SCFD2: variants seen among roughly 807,000 people sequenced by gnomAD.
SCFD2 encodes the protein sec1 family domain-containing protein 2.
In SCFD2, 54 loss-of-function variants were observed where a neutral mutation model predicts 58.9. That is an observed-to-expected ratio of 0.92 (90% CI 0.74 to 1.15). The LOEUF (loss-of-function observed/expected upper bound fraction) is 1.15, where lower values mean the gene tolerates loss of function less well. Ranked by LOEUF, SCFD2 falls within the 50% of genes most tolerant of loss-of-function variation. SCFD2 has a pLI of 0.00. For synonymous variants in SCFD2, 321 were observed against 335.9 expected, an observed-to-expected ratio of 0.96 and a Z score of 0.49; for missense variants, 805 against 836.6, an observed-to-expected ratio of 0.96 and a Z score of 0.47.
intron 4 of SCFD2, among the ~76,000 whole-genome samples, chr4:53,197,871 G>A (rs1323187358): frequency 1.3e-5 from 2 of 151,870 alleles, no homozygotes; most frequent in Non-Finnish European, 2.9e-5. Flanking sequence ...AAAATATGGG[G>A]TAAAAAAATA....
chr4:53,217,510 T>A (rs995702184), intron 4 of SCFD2, among the ~76,000 whole-genome samples: 1 of 152,214 alleles, frequency 6.6e-6, no homozygotes, highest in Admixed American at 6.5e-5. Flanking sequence ...TCTTCCTCCA[T>A]CCCTTTATTT....
At chr4:53,168,641 A>G (rs1409362845) in intron 4 of SCFD2, among the ~76,000 whole-genome samples, 46 of 152,214 alleles carry the variant, frequency 3.0e-4, no homozygotes, top group Non-Finnish European at 5.3e-4. Context: ...ATAGTTGTAC[A>G]TATTTATTGG....
chr4:53,260,940 G>A (rs1473861200), intron 4 of SCFD2, among the ~76,000 whole-genome samples: 2 of 151,820 alleles, frequency 1.3e-5, no homozygotes, highest in East Asian at 3.9e-4. Context: ...ATATCTTCCT[G>A]GTTTAATCTA....
intron 4 of SCFD2, among the ~76,000 whole-genome samples, chr4:53,244,222 A>G (rs953393089): frequency 2.0e-5 from 3 of 152,066 alleles, no homozygotes; most frequent in Non-Finnish European, 2.9e-5. Context: ...TGAACTCAAC[A>G]CTGGACCAAA....
At chr4:53,305,320 G>C (rs181640148) in intron 3 of SCFD2, among the ~76,000 whole-genome samples, 13 of 151,854 alleles carry the variant, frequency 8.6e-5, no homozygotes, top group Non-Finnish European at 1.5e-4. Flanking sequence ...GTTTATTTTT[G>C]TATATAGTGT....
chr4:53,240,528 C>G (rs567109993), intron 4 of SCFD2, among the ~76,000 whole-genome samples: 1 of 152,334 alleles, frequency 6.6e-6, no homozygotes, highest in East Asian at 1.9e-4. Flanking sequence ...TTGATTCCAA[C>G]TTCTTTTTGC....
intron 3 of SCFD2, among the ~76,000 whole-genome samples, chr4:53,308,697 C>T (rs564567971): frequency 6.4e-4 from 97 of 152,178 alleles, no homozygotes; most frequent in African/African-American, 2.2e-3. Context: ...TTAAAAAACA[C>T]GTATCAAACA....
intron 8 of SCFD2, among the ~76,000 whole-genome samples, chr4:52,876,467 G>T (rs1053774664): frequency 7.2e-5 from 11 of 151,818 alleles, no homozygotes; most frequent in Admixed American, 5.9e-4. Context: ...GCCCTTTTTC[G>T]AACTGGGTGC....
In SCFD2 at chr4:53,204,151, C is replaced by T. The variant is rs1244288580; in HGVS notation, c.1312-58569G>A. 3.9e-5 allele frequency among the ~76,000 whole-genome samples: 6 copies of T among 152,158 alleles called. No homozygotes were observed. The South Asian group carries it at 1.2e-3, about 32-fold the overall frequency. On this transcript the variant is annotated intron_variant, in intron 4 of 8. Transcript: ENST00000401642. ...CATTCTATAGTAAACCTCAAAGCCACAAACCCCCCATAAACTTAGCCTGTT... is the reference window on the plus strand; with the variant it reads ...CATTCTATAGTAAACCTCAAAGCCATAAACCCCCCATAAACTTAGCCTGTT...
chr4:53,324,854 C>G (rs1733137756), intron 2 of SCFD2, among the ~76,000 whole-genome samples: 1 of 152,086 alleles, frequency 6.6e-6, no homozygotes, highest in Non-Finnish European at 1.5e-5. Context: ...TTTCTAGACT[C>G]CAGGTGCCAG....
At chr4:52,979,065 T>TGGGG (rs10667731) in intron 5 of SCFD2, among the ~76,000 whole-genome samples, 26 of 146,988 alleles carry the variant, frequency 1.8e-4, no homozygotes, top group African/African-American at 5.9e-4. Flanking sequence ...GGCCTTTTTT[T>TGGGG]GGGGGGGGGA....
intron 5 of SCFD2, among the ~76,000 whole-genome samples, chr4:53,007,377 G>T (rs188503202): frequency 1.3e-4 from 13 of 103,828 alleles, no homozygotes; most frequent in African/African-American, 4.7e-4. Flanking sequence ...AAGAAGGAAA[G>T]GAAGGAAAGA....
rs574691991 is a variant in SCFD2, at chr4:53,214,069, G to T, written c.1311+59757C>A. 6.7e-4 allele frequency among the ~76,000 whole-genome samples: 101 copies of T among 149,760 alleles called. 2 individuals carry two copies. Among genetic ancestry groups the T allele is most frequent in the African/African-American group, 2.5e-3 (96 of 39,162 alleles). On this transcript the variant is annotated intron_variant, in intron 4 of 8. Coordinates refer to ENST00000401642, the MANE Select transcript of SCFD2 (RefSeq NM_152540.4). ...CCAGTCTATCATTCATGGACATTTC[G>T]GTTGATTTCAAGTCTTTGCTATTGT...
chr4:53,200,345 T>TA (rs1254628726), intron 4 of SCFD2, among the ~76,000 whole-genome samples: 1 of 152,028 alleles, frequency 6.6e-6, no homozygotes, highest in East Asian at 1.9e-4. Context: ...CCCATCCCTC[T>TA]ACCTCCAAAC....
chr4:53,179,255 G>C (rs1023669581), intron 4 of SCFD2, among the ~76,000 whole-genome samples: 2 of 152,136 alleles, frequency 1.3e-5, no homozygotes, highest in African/African-American at 2.4e-5. Context: ...AGAGAGAAAG[G>C]TTGGGTTACC....
At chr4:53,164,304 T>A (rs1726939180) in intron 4 of SCFD2, among the ~76,000 whole-genome samples, 1 of 151,996 alleles carries the variant, frequency 6.6e-6, no homozygotes, top group African/African-American at 2.4e-5. Flanking sequence ...AGCCCCTGAG[T>A]GACTGCTGCA....
At chr4:53,120,445 A>G (rs1725447707) in intron 5 of SCFD2, among the ~76,000 whole-genome samples, 1 of 152,204 alleles carries the variant, frequency 6.6e-6, no homozygotes, top group African/African-American at 2.4e-5. Context: ...AACAAATAGT[A>G]GAACAAAGAT....
chr4:53,048,476 C>T (rs1366043536), intron 5 of SCFD2, among the ~76,000 whole-genome samples: 1 of 152,176 alleles, frequency 6.6e-6, no homozygotes, highest in Non-Finnish European at 1.5e-5. Context: ...TGGCTCATGC[C>T]TGTAATCCCA....
At chr4:53,312,530 G>C (rs759825382) in intron 3 of SCFD2, among the ~76,000 whole-genome samples, 17 of 152,034 alleles carry the variant, frequency 1.1e-4, no homozygotes, top group Admixed American at 2.0e-4. Flanking sequence ...ATAATGGTTA[G>C]TTATTTCACT....
Sources: allele counts gnomAD v4.1 joint callset (sites outside exome capture counted in the v4.1 genomes callset), GRCh38; gene constraint gnomAD v4.1.1; transcripts MANE v1.5; gene names NCBI Gene and HGNC (gene_info 2026-07-23, HGNC 2026-07-21).